Variants in DOK6 observed in about 807,000 individuals in gnomAD.
DOK6 encodes docking protein 6.
A neutral mutation model predicts 44.0 loss-of-function variants in DOK6; 22 were observed. That is an observed-to-expected ratio of 0.50 (90% CI 0.36 to 0.71). The LOEUF (loss-of-function observed/expected upper bound fraction) is 0.71, where lower values mean the gene tolerates loss of function less well. Among genes scored for constraint, DOK6 ranks in the 30% least tolerant of loss-of-function variants. The pLI is 0.00. For synonymous variants in DOK6, 166 were observed against 145.5 expected (o/e 1.14, Z -1.01); for missense variants, 340 against 416.4 (o/e 0.82, Z 1.60).
chr18:69,401,189 C>G lies in DOK6; in HGVS notation c.-56C>G, dbSNP rs1041271769. The G allele has an allele frequency of 3.4e-6, 5 of 1,492,482 alleles. No homozygotes were observed. The highest frequency in any genetic ancestry group is 2.6e-5 in the South Asian group (2 of 78,390). The allele number at this position is 1,492,482 out of a possible 1,614,324, so 92.5% of individuals were successfully genotyped here. A position where few individuals can be genotyped will look rare whatever the true frequency, so the allele number is the denominator to read the frequency against. ...CCCGCGCAGACCCGGCGGCGGACGG[C>G]GGCTCTCGACTCCGGAGAGCGGATC... On this transcript the variant is annotated 5_prime_UTR_variant, in exon 1 of 8. Coordinates refer to ENST00000382713, the MANE Select transcript of DOK6 (RefSeq NM_152721.6).
chr18:69,425,724 T>A (rs1978618564), intron 1 of DOK6, among the ~76,000 whole-genome samples: 1 of 152,068 alleles, frequency 6.6e-6, no homozygotes, highest in Non-Finnish European at 1.5e-5. Flanking sequence ...AAAAAAAATG[T>A]TGCATTAAAA....
In DOK6 at chr18:69,682,483, C is replaced by G. The variant is rs573342126; in HGVS notation, c.409+4630C>G. Among the ~76,000 whole-genome samples, 42 of 152,334 alleles carry G rather than the reference C, an allele frequency of 2.8e-4. 1 individual carries two copies. Among genetic ancestry groups the G allele is most frequent in the African/African-American group, 9.9e-4 (41 of 41,578 alleles). ...ATGCCAGTGTCTATTTCATCTGTCT[C>G]TCAACCTCCTTACACTTGCAACTTC... On this transcript the variant is annotated intron_variant, in intron 4 of 7. Transcript: ENST00000382713.
chr18:69,558,704 C>T (rs907535436), intron 1 of DOK6, among the ~76,000 whole-genome samples: 14 of 152,054 alleles, frequency 9.2e-5, no homozygotes, highest in African/African-American at 2.2e-4. Context: ...GTTTAGGTCA[C>T]GAAAAACAAA....
chr18:69,600,551 A>T (rs1291028770), intron 3 of DOK6, among the ~76,000 whole-genome samples: 3 of 152,060 alleles, frequency 2.0e-5, no homozygotes, highest in African/African-American at 7.2e-5. Flanking sequence ...CCCCTGTCCC[A>T]ACCTTGCTGG....
intron 1 of DOK6, among the ~76,000 whole-genome samples, chr18:69,470,636 C>T (rs1980072844): frequency 6.8e-6 from 1 of 147,964 alleles, no homozygotes; most frequent in African/African-American, 2.5e-5. Flanking sequence ...TGAAGACTCT[C>T]TGCTTAGTAT....
intron 3 of DOK6, among the ~76,000 whole-genome samples, chr18:69,635,594 G>A (rs1984786733): frequency 1.3e-5 from 2 of 152,198 alleles, no homozygotes; most frequent in Admixed American, 1.3e-4. Context: ...CTATGTGACA[G>A]CAACGAGGAT....
intron 7 of DOK6, among the ~76,000 whole-genome samples, chr18:69,759,002 C>T (rs553626864): frequency 6.6e-6 from 1 of 152,260 alleles, no homozygotes; most frequent in Non-Finnish European, 1.5e-5. Flanking sequence ...CAAGGCAAAG[C>T]AGTTGGAATG....
chr18:69,659,837 ACATATATGTATGTTATATATATATATAT>A (rs1985467253), intron 3 of DOK6: 1 of 48,248 alleles, frequency 2.1e-5, no homozygotes, highest in African/African-American at 6.7e-5. Context: ...TATATATATA[ACATATATGTATGTTATATATATATATAT>A]AAAACATATA....
At chr18:69,508,787 G>T (rs966880116) in intron 1 of DOK6, among the ~76,000 whole-genome samples, 1 of 152,114 alleles carries the variant, frequency 6.6e-6, no homozygotes, top group Non-Finnish European at 1.5e-5. Flanking sequence ...TCTGTCTCAG[G>T]AATTCATGAC....
intron 2 of DOK6, among the ~76,000 whole-genome samples, chr18:69,590,698 A>G (rs1442563383): frequency 6.6e-6 from 1 of 152,182 alleles, no homozygotes; most frequent in Non-Finnish European, 1.5e-5. Context: ...AAGAAATATT[A>G]GTCTGAAAAC....
At chr18:69,829,229 A>G (rs1981834410) in intron 7 of DOK6, among the ~76,000 whole-genome samples, 1 of 140,602 alleles carries the variant, frequency 7.1e-6, no homozygotes. Context: ...TATTTCTTGG[A>G]AATGAGAGAC....
intron 1 of DOK6, among the ~76,000 whole-genome samples, chr18:69,422,299 G>T (rs1442110792): frequency 6.6e-6 from 1 of 152,130 alleles, no homozygotes; most frequent in South Asian, 2.1e-4. Context: ...TTTTATTAGT[G>T]CTTCTCAAAA....
intron 5 of DOK6, among the ~76,000 whole-genome samples, chr18:69,716,467 A>G (rs976220201): frequency 7.2e-5 from 11 of 152,192 alleles, no homozygotes; most frequent in Non-Finnish European, 1.6e-4. Flanking sequence ...TTTGGAAATG[A>G]TGAAAACCTT....
chr18:69,596,828 T>C (rs968378332), intron 2 of DOK6, among the ~76,000 whole-genome samples: 9 of 152,136 alleles, frequency 5.9e-5, no homozygotes, highest in African/African-American at 2.2e-4. Flanking sequence ...CATAAAACAA[T>C]ACGTATATAA....
At chr18:69,684,280 G>C (rs1025522435) in intron 4 of DOK6, among the ~76,000 whole-genome samples, 1 of 152,206 alleles carries the variant, frequency 6.6e-6, no homozygotes, top group Non-Finnish European at 1.5e-5. Context: ...CTTTGCCACA[G>C]ATGCTTCAGG....
chr18:69,452,716 T>C (rs1220035041), intron 1 of DOK6, among the ~76,000 whole-genome samples: 1 of 147,646 alleles, frequency 6.8e-6, no homozygotes, highest in African/African-American at 2.5e-5. Flanking sequence ...TCCACCATGA[T>C]CAAGTGGGCT....
chr18:69,679,244 A>G (rs1182798641), intron 4 of DOK6, among the ~76,000 whole-genome samples: 10 of 152,230 alleles, frequency 6.6e-5, no homozygotes, highest in Admixed American at 5.2e-4. Flanking sequence ...TAGGTAAAAG[A>G]GCACATGATA....
At chr18:69,832,361 A>C (rs1476564763) in intron 7 of DOK6, among the ~76,000 whole-genome samples, 2 of 152,148 alleles carry the variant, frequency 1.3e-5, no homozygotes, top group African/African-American at 4.8e-5. Context: ...CCATCCTTGT[A>C]TCCTGAGGAT....
intron 3 of DOK6, among the ~76,000 whole-genome samples, chr18:69,629,698 C>T (rs1984644804): frequency 6.6e-6 from 1 of 152,186 alleles, no homozygotes; most frequent in Non-Finnish European, 1.5e-5. Flanking sequence ...TGACTCCTCC[C>T]CCATTTCAAG....
Sources: gnomAD v4.1 joint callset for allele counts (sites outside exome capture counted in the v4.1 genomes callset) on GRCh38, gnomAD v4.1.1 for gene constraint, MANE v1.5 for transcripts, NCBI Gene and HGNC (gene_info 2026-07-23, HGNC 2026-07-21) for gene names.